ATP6V1A: variants seen among roughly 807,000 people sequenced by gnomAD.
The protein encoded by ATP6V1A is V-type proton ATPase catalytic subunit A.
Under a neutral mutation model 70.1 loss-of-function variants are expected in ATP6V1A, and 18 were observed. The observed-to-expected ratio is 0.26, with a 90% CI of 0.18 to 0.38. The LOEUF (loss-of-function observed/expected upper bound fraction) is 0.38. ATP6V1A is among the 10% of genes least tolerant of loss of function. The pLI is 1.00. For synonymous variants in ATP6V1A, 232 were observed against 253.8 expected, an observed-to-expected ratio of 0.91 and a Z score of 0.82; for missense variants, 424 against 772.4, an observed-to-expected ratio of 0.55 and a Z score of 5.35.
At chr3:113,771,469 G>T (rs1383366696) in intron 1 of ATP6V1A, among the ~76,000 whole-genome samples, 1 of 126,212 alleles carries the variant, frequency 7.9e-6, no homozygotes. Flanking sequence ...ACGGAGTCTC[G>T]CTCTGTCGCC....
chr3:113,773,378 A>G (rs150753286), intron 1 of ATP6V1A, among the ~76,000 whole-genome samples: 5 of 152,316 alleles, frequency 3.3e-5, no homozygotes, highest in African/African-American at 1.2e-4. Flanking sequence ...AGGTTCTCTT[A>G]TTAGTATGAT....
At chr3:113,775,722 T>C (rs1577086605) in intron 1 of ATP6V1A, among the ~76,000 whole-genome samples, 1 of 152,212 alleles carries the variant, frequency 6.6e-6, no homozygotes, top group East Asian at 1.9e-4. Flanking sequence ...TCCACTTTAA[T>C]AGGCAGATGA....
intron 13 of ATP6V1A, 92 bp downstream of exon 13, chr3:113,803,769 A>G (rs1191901496): frequency 3.4e-6 from 3 of 872,264 alleles, no homozygotes; most frequent in Non-Finnish European, 5.5e-6. Flanking sequence ...TTATTCTCAT[A>G]CAGGCTCATA....
chr3:113,758,607 C>T (rs1198999356), intron 1 of ATP6V1A, among the ~76,000 whole-genome samples: 1 of 152,142 alleles, frequency 6.6e-6, no homozygotes, highest in Non-Finnish European at 1.5e-5. Flanking sequence ...GCTGTCTTTC[C>T]ACTTTTTGGC....
chr3:113,766,338 C>T (rs1387972423), intron 1 of ATP6V1A, among the ~76,000 whole-genome samples: 2 of 152,078 alleles, frequency 1.3e-5, no homozygotes, highest in Non-Finnish European at 2.9e-5. Flanking sequence ...CTCTGTCACC[C>T]AGGCTGGAGT....
At chr3:113,750,599 C>T (rs965372470) in intron 1 of ATP6V1A, among the ~76,000 whole-genome samples, 1 of 152,166 alleles carries the variant, frequency 6.6e-6, no homozygotes, top group African/African-American at 2.4e-5. Flanking sequence ...GAAGTTCTGG[C>T]CCTACCACTT....
chr3:113,755,792 C>T (rs1384540827), intron 1 of ATP6V1A, among the ~76,000 whole-genome samples: 4 of 151,916 alleles, frequency 2.6e-5, no homozygotes, highest in African/African-American at 9.7e-5. Flanking sequence ...GTTTTCTCTC[C>T]CCTCATCCTT....
At chr3:113,759,157 ACC>A in intron 1 of ATP6V1A, among the ~76,000 whole-genome samples, 1 of 152,100 alleles carries the variant, frequency 6.6e-6, no homozygotes, top group Admixed American at 6.5e-5. Context: ...AGTCCAGTTT[ACC>A]ATTTTATTCT....
rs1221880124 is a variant in ATP6V1A at position 113,784,386 on chromosome 3, C to G, written c.374C>G (p.Ser125Cys). 6.2e-7 allele frequency: 1 copy of G among 1,614,140 alleles called. No homozygotes were observed. Among genetic ancestry groups the G allele is most frequent in the Admixed American group, 1.7e-5 (1 of 60,024 alleles). ...SIYIPRGVNV[S>C]ALSRDIKWDF... The stretch of plus-strand genomic sequence containing the variant: ...TACATCCCCAGAGGAGTAAACGTGT[C>G]TGCTCTTAGCAGAGATATCAAATGG... Residue 125 changes from serine to cysteine, a missense_variant, in exon 4 of 15, where the codon TCT becomes TGT. Ser to Cys is a moderately radical substitution (Grantham distance 112, BLOSUM62 -1). Coordinates refer to ENST00000273398, the MANE Select transcript of ATP6V1A (RefSeq NM_001690.4).
chr3:113,796,830 A>T (rs1468269648), intron 11 of ATP6V1A, among the ~76,000 whole-genome samples: 2 of 152,238 alleles, frequency 1.3e-5, no homozygotes, highest in East Asian at 3.8e-4. Flanking sequence ...TTAGAAATGC[A>T]TGGAATATCT....
Position 113,784,841 on chromosome 3 carries a change from T to C in ATP6V1A, c.564+8T>C, listed in dbSNP as rs1281113663. On this transcript the variant is annotated splice_region_variant and intron_variant, in intron 5 of 14. Coordinates refer to ENST00000273398, the MANE Select transcript of ATP6V1A (RefSeq NM_001690.4). The stretch of plus-strand genomic sequence containing the variant: ...GGGAATTATGATACCTCTGTAAGTA[T>C]CATTTGAACTTTATCCTGCAGAGTG... 1 of 1,613,420 alleles carries C rather than the reference T, an allele frequency of 6.2e-7. No homozygotes were observed. The highest frequency in any genetic ancestry group is 2.2e-5 in the East Asian group (1 of 44,858).
At chr3:113,762,152 CAA>C (rs546639298) in intron 1 of ATP6V1A, among the ~76,000 whole-genome samples, 2 of 104,548 alleles carry the variant, frequency 1.9e-5, no homozygotes, top group East Asian at 3.0e-4. Context: ...AACTCTGTCT[CAA>C]AAAAAAAAAA....
chr3:113,761,319 G>A (rs1266594401), intron 1 of ATP6V1A, among the ~76,000 whole-genome samples: 1 of 151,290 alleles, frequency 6.6e-6, no homozygotes, highest in Admixed American at 6.6e-5. Flanking sequence ...TTGTATGTGT[G>A]TCAGTCTCAA....
chr3:113,808,232 A>C (rs1709300220), intron 14 of ATP6V1A, among the ~76,000 whole-genome samples: 1 of 149,500 alleles, frequency 6.7e-6, no homozygotes, highest in South Asian at 2.1e-4. Flanking sequence ...CTTAGTATGG[A>C]GTCCCAGAAG....
chr3:113,798,682 C>T (rs1253367381), intron 12 of ATP6V1A, among the ~76,000 whole-genome samples: 1 of 152,084 alleles, frequency 6.6e-6, no homozygotes. Context: ...CATCACCAAC[C>T]AAATTAGAGG....
At chr3:113,787,920 T>C (rs1330346443) in intron 6 of ATP6V1A, among the ~76,000 whole-genome samples, 1 of 152,214 alleles carries the variant, frequency 6.6e-6, no homozygotes, top group Non-Finnish European at 1.5e-5. Context: ...TCTTTCTCTC[T>C]CTGTCTCTCG....
intron 1 of ATP6V1A, among the ~76,000 whole-genome samples, chr3:113,766,379 T>G (rs143980519): frequency 7.9e-5 from 12 of 152,270 alleles, no homozygotes; most frequent in African/African-American, 2.9e-4. Context: ...CAGTGCAGCC[T>G]CAACCTCCCA....
rs942827898 is a variant in ATP6V1A, at chr3:113,810,619, G to A, written c.*1192G>A. On this transcript the variant is annotated 3_prime_UTR_variant, in exon 15 of 15. Transcript: ENST00000273398. ...TTCCTTAAACATCTTGGAAGCCTAA[G>A]CTTCTGAGAATCATGTGGCAAGTGT... The A allele has an allele frequency of 1.3e-5, 2 of 152,146 alleles. No homozygotes were observed. The highest frequency in any genetic ancestry group is 2.9e-5 in the Non-Finnish European group (2 of 68,040). The allele number at this position is 152,146 out of a possible 1,614,324, so 9.4% of individuals were successfully genotyped here.
At chr3:113,798,786 A>G (rs1709179949) in intron 12 of ATP6V1A, among the ~76,000 whole-genome samples, 1 of 152,176 alleles carries the variant, frequency 6.6e-6, no homozygotes, top group Non-Finnish European at 1.5e-5. Flanking sequence ...ATAATTAGCT[A>G]TTGGCCTTAA....
Sources: gnomAD v4.1 joint callset for allele counts (sites outside exome capture counted in the v4.1 genomes callset) on GRCh38, gnomAD v4.1.1 for gene constraint, MANE v1.5 for transcripts, NCBI Gene and HGNC (gene_info 2026-07-23, HGNC 2026-07-21) for gene names.